The following FKBP4 variants were observed in gnomAD, a reference collection of about 807,000 sequenced individuals.
The protein encoded by FKBP4 is FKBP prolyl isomerase 4.
FKBP4 carries 28 observed loss-of-function variants against 54.1 expected under a neutral mutation model. The ratio of observed to expected loss-of-function variants is 0.52; its 90% confidence interval spans 0.38 to 0.71. FKBP4 has a LOEUF of 0.71. Among genes scored for constraint, FKBP4 ranks in the 30% least tolerant of loss-of-function variants. The pLI is 0.00. For synonymous variants in FKBP4, 223 were observed against 216.1 expected, an observed-to-expected ratio of 1.03 and a Z score of -0.28; for missense variants, 493 against 574.4, an observed-to-expected ratio of 0.86 and a Z score of 1.45.
chr12:2,802,323 A>G (rs2097905300), intron 9 of FKBP4, among the ~76,000 whole-genome samples: 1 of 152,086 alleles, frequency 6.6e-6, no homozygotes, highest in Admixed American at 6.5e-5. Context: ...TTTTTAGTAC[A>G]GACGAAGTTT....
chr12:2,796,702 G>A (rs2097902049), intron 1 of FKBP4: 2 of 1,068,604 alleles, frequency 1.9e-6, no homozygotes, highest in Admixed American at 4.9e-5. Flanking sequence ...TTAGTCTGAC[G>A]ACCACTGGCA....
chr12:2,800,434 G>GT lies in FKBP4; in HGVS notation c.890dup (p.Ser298ValfsTer6). On this transcript the variant is annotated frameshift_variant, in exon 8 of 10. Coordinates refer to ENST00000001008, the MANE Select transcript of FKBP4 (RefSeq NM_002014.4). LOFTEE classifies it high-confidence loss of function. ...AGCTTTACTACAGTATAAGAAGATCGTGTCTTGGCTGGAATATGAGTCTAG... is the reference window on the plus strand; with the variant it reads ...AGCTTTACTACAGTATAAGAAGATCGTTGTCTTGGCTGGAATATGAGTCTAG... The GT allele has an allele frequency of 6.2e-7, 1 of 1,613,970 alleles. No homozygotes were observed.
In FKBP4 at chr12:2,804,978, T is replaced by G; in HGVS notation, c.*1720T>G. On this transcript the variant is annotated 3_prime_UTR_variant, in exon 10 of 10. Transcript: ENST00000001008. ...CTTACCTCACATCACAGCCCTGTGT[T>G]TGTGGTTTGTGTCTGGGTCCTCTTG... The G allele has an allele frequency of 3.3e-6, 1 of 303,000 alleles. No individual in the cohort carries two copies. The highest frequency in any genetic ancestry group is 2.7e-5 in the South Asian group (1 of 36,828). The allele number at this position is 303,000 out of a possible 1,614,324, so 18.8% of individuals were successfully genotyped here.
Position 2,795,075 on chromosome 12 carries a change from C to A in FKBP4, c.-65C>A. On this transcript the variant is annotated 5_prime_UTR_variant, in exon 1 of 10. Coordinates refer to ENST00000001008, the MANE Select transcript of FKBP4 (RefSeq NM_002014.4). This position sits in a 1 kb window ranked among gnomAD's most constrained non-coding sequence, Gnocchi z 4.3. ...CCGCACGCCCCGCAGGTAGCGCCCC[C>A]GCCCGCGGCCCAGAGTGCGCTCGCG... The A allele has an allele frequency of 9.4e-7, 1 of 1,066,516 alleles. No individual in the cohort carries two copies. The highest frequency in any genetic ancestry group is 4.4e-5 in the South Asian group (1 of 22,544). 66.1% of individuals were successfully genotyped at this position (1,066,516 alleles called of 1,614,324 possible). A position where few individuals can be genotyped will look rare whatever the true frequency, so the allele number is the denominator to read the frequency against.
rs1213213179 is a variant in FKBP4, at chr12:2,796,434, G to A, written c.106-704G>A. 3.2e-6 allele frequency: 4 copies of A among 1,267,496 alleles called. No individual in the cohort carries two copies. The African/African-American group carries it at 6.2e-5, about 20-fold the overall frequency. 78.5% of individuals were successfully genotyped at this position (1,267,496 alleles called of 1,614,324 possible). On this transcript the variant is annotated intron_variant, in intron 1 of 9. Coordinates refer to ENST00000001008, the MANE Select transcript of FKBP4 (RefSeq NM_002014.4). ...TACCTTTCTACTCCTCAAAGCCCCT[G>A]TCTATTCTTCGTGGAAGCTTTCCCT...
Position 2,797,134 on chromosome 12 carries a change from C to G in FKBP4, c.106-4C>G. The G allele has an allele frequency of 1.2e-6, 2 of 1,612,306 alleles. No homozygotes were observed. The highest frequency in any genetic ancestry group is 4.5e-5 in the East Asian group (2 of 44,880). On this transcript the variant is annotated splice_polypyrimidine_tract_variant and splice_region_variant and intron_variant, in intron 1 of 9. Coordinates refer to ENST00000001008, the MANE Select transcript of FKBP4 (RefSeq NM_002014.4). Reference sequence around the variant, plus strand: ...GGTACTCACTTTCTCCCCCTTCCTCCCAGGTCATCAAGAGAGAGGGCACAG... The same window carrying G: ...GGTACTCACTTTCTCCCCCTTCCTCGCAGGTCATCAAGAGAGAGGGCACAG...
chr12:2,797,411 C>T (rs2153919379), intron 2 of FKBP4, 129 bp downstream of exon 2: 1 of 1,062,452 alleles, frequency 9.4e-7, no homozygotes, highest in East Asian at 2.4e-5. Flanking sequence ...CTTTCGGTCA[C>T]TCTTTTTTTT....
chr12:2,796,154 C>G, intron 1 of FKBP4: 2 of 1,266,096 alleles, frequency 1.6e-6, no homozygotes, highest in Non-Finnish European at 1.0e-6. Flanking sequence ...TGCCTTCTCC[C>G]CATCCGCTGC....
chr12:2,798,998 T>C lies in FKBP4; in HGVS notation c.515-90T>C, dbSNP rs2097903356. 9.0e-6 allele frequency: 13 copies of C among 1,445,634 alleles called. No individual in the cohort carries two copies. Among genetic ancestry groups the C allele is most frequent in the Non-Finnish European group, 1.2e-5 (13 of 1,063,562 alleles). The allele number at this position is 1,445,634 out of a possible 1,614,324, so 89.6% of individuals were successfully genotyped here. On this transcript the variant is annotated intron_variant, in intron 4 of 9. Coordinates refer to ENST00000001008, the MANE Select transcript of FKBP4 (RefSeq NM_002014.4). The surrounding 1 kb of genome is among the most constrained non-coding windows in gnomAD (Gnocchi z 4.3). Reference sequence around the variant, plus strand: ...TTGAGAACACAGGAGAATCTTGGGATGATGGGGGTGATGCAGGGAGGCTGA... The same window carrying C: ...TTGAGAACACAGGAGAATCTTGGGACGATGGGGGTGATGCAGGGAGGCTGA...
In FKBP4 at chr12:2,795,187, G is replaced by T; in HGVS notation, c.48G>T (p.Ala16=). Residue 16 remains alanine (A), a synonymous_variant, in exon 1 of 10, where the codon GCG becomes GCT. Coordinates refer to ENST00000001008, the MANE Select transcript of FKBP4 (RefSeq NM_002014.4). This position sits in a 1 kb window ranked among gnomAD's most constrained non-coding sequence, Gnocchi z 4.3. ...CGACCGAGAGCGGGGCGCAGTCGGC[G>T]CCGCTGCCCATGGAGGGAGTGGACA... ...MKATESGAQS[A]PLPMEGVDIS... 1 of 1,323,332 alleles carries T rather than the reference G, an allele frequency of 7.6e-7. No individual in the cohort carries two copies. The highest frequency in any genetic ancestry group is 9.7e-7 in the Non-Finnish European group (1 of 1,027,692). The allele number at this position is 1,323,332 out of a possible 1,614,324, so 82.0% of individuals were successfully genotyped here. A position where few individuals can be genotyped will look rare whatever the true frequency, so the allele number is the denominator to read the frequency against.
chr12:2,798,946 C>T lies in FKBP4; in HGVS notation c.514+120C>T. The T allele has an allele frequency of 7.1e-7, 1 of 1,409,714 alleles. No individual in the cohort carries two copies. The highest frequency in any genetic ancestry group is 9.8e-7 in the Non-Finnish European group (1 of 1,022,352). 87.3% of individuals were successfully genotyped at this position (1,409,714 alleles called of 1,614,324 possible). On this transcript the variant is annotated intron_variant, in intron 4 of 9. Coordinates refer to ENST00000001008, the MANE Select transcript of FKBP4 (RefSeq NM_002014.4). The surrounding 1 kb of genome is among the most constrained non-coding windows in gnomAD (Gnocchi z 4.3). ...CTTGTCCATAAAATGAGGGGTTGGA[C>T]CATATTCTCTTCATATCACTCCAGA...
chr12:2,803,287 C>T lies in FKBP4; in HGVS notation c.*29C>T. 2 of 1,484,598 alleles carry T rather than the reference C, an allele frequency of 1.3e-6. No homozygotes were observed. Among genetic ancestry groups the T allele is most frequent in the Non-Finnish European group, 1.8e-6 (2 of 1,091,816 alleles). 92.0% of individuals were successfully genotyped at this position (1,484,598 alleles called of 1,614,324 possible). On this transcript the variant is annotated 3_prime_UTR_variant, in exon 10 of 10. Transcript: ENST00000001008. Reference sequence around the variant, plus strand: ...CTCTCCACCAGCCCTACTCCTGCGGCTGCCTGCCCCCCAGTCTCCCCACTC... The same window carrying T: ...CTCTCCACCAGCCCTACTCCTGCGGTTGCCTGCCCCCCAGTCTCCCCACTC...
In FKBP4 at chr12:2,803,337, G is replaced by C; in HGVS notation, c.*79G>C. On this transcript the variant is annotated 3_prime_UTR_variant, in exon 10 of 10. Coordinates refer to ENST00000001008, the MANE Select transcript of FKBP4 (RefSeq NM_002014.4). The stretch of plus-strand genomic sequence containing the variant: ...CCACCCTGTTAGTTTTGTAAAAACT[G>C]AAGAATTTTGAGTGAATTAGACCTT... 1 of 1,006,126 alleles carries C rather than the reference G, an allele frequency of 9.9e-7. No individual in the cohort carries two copies. Among genetic ancestry groups the C allele is most frequent in the Non-Finnish European group, 1.5e-6 (1 of 670,560 alleles). The allele number at this position is 1,006,126 out of a possible 1,614,324, so 62.3% of individuals were successfully genotyped here. A position where few individuals can be genotyped will look rare whatever the true frequency, so the allele number is the denominator to read the frequency against.
chr12:2,799,747 A>G (rs2097903719), intron 5 of FKBP4, 103 bp from the exon 6 acceptor site: 5 of 968,088 alleles, frequency 5.2e-6, no homozygotes, highest in Non-Finnish European at 4.9e-6. Flanking sequence ...ACCAAGTCTC[A>G]AGGGATGGGA....
rs1306110067 is a variant in FKBP4 at position 2,800,466 on chromosome 12, CA to C, written c.923del (p.Asn308MetfsTer23). 6.2e-7 allele frequency: 1 copy of C among 1,613,976 alleles called. No homozygotes were observed. Among genetic ancestry groups the C allele is most frequent in the Non-Finnish European group, 8.5e-7 (1 of 1,180,006 alleles). ...GGCTGGAATATGAGTCTAGTTTTTC[CA>C]ATGAGGAAGCACAGAAAGCACAGGC... ...SWLEYESSFSNEEAQKAQALR... is the reference protein window; with the variant it reads ...SWLEYESSFSXEEAQKAQALR... On this transcript the variant is annotated frameshift_variant, in exon 8 of 10. Transcript: ENST00000001008. LOFTEE classifies it high-confidence loss of function.
intron 1 of FKBP4, chr12:2,796,023 G>A (rs1463216942): frequency 9.5e-6 from 11 of 1,157,196 alleles, no homozygotes; most frequent in African/African-American, 8.1e-5. Flanking sequence ...GTGACCGCTC[G>A]ACTACAAATA....
At chr12:2,800,184 C>G in intron 7 of FKBP4, 62 bp downstream of exon 7, 2 of 1,551,368 alleles carry the variant, frequency 1.3e-6, no homozygotes, top group South Asian at 2.2e-5. Flanking sequence ...GCCTCCCCTT[C>G]CCTTGGTGAC....
rs774459032 is a variant in FKBP4, at chr12:2,798,992, T to C, written c.515-96T>C. On this transcript the variant is annotated intron_variant, in intron 4 of 9. Transcript: ENST00000001008. The surrounding 1 kb of genome is among the most constrained non-coding windows in gnomAD (Gnocchi z 4.3). ...CCAGATTTGAGAACACAGGAGAATCTTGGGATGATGGGGGTGATGCAGGGA... is the reference window on the plus strand; with the variant it reads ...CCAGATTTGAGAACACAGGAGAATCCTGGGATGATGGGGGTGATGCAGGGA... 8.3e-6 allele frequency: 12 copies of C among 1,441,628 alleles called. No homozygotes were observed. The highest frequency in any genetic ancestry group is 1.1e-5 in the Non-Finnish European group (12 of 1,059,844). 89.3% of individuals were successfully genotyped at this position (1,441,628 alleles called of 1,614,324 possible). A position where few individuals can be genotyped will look rare whatever the true frequency, so the allele number is the denominator to read the frequency against.
rs1274648518 is a variant in FKBP4 at position 2,797,356 on chromosome 12, C to G, written c.250+74C>G. 1.9e-6 allele frequency: 3 copies of G among 1,553,332 alleles called. No individual in the cohort carries two copies. The African/African-American group carries it at 4.1e-5, about 21-fold the overall frequency. ...CTGTCACAAGCAGAAACCATTTTCT[C>G]AGGACCAAGCTCAGGGAGGAATGGT... On this transcript the variant is annotated intron_variant, in intron 2 of 9. Transcript: ENST00000001008.
Sources: gnomAD v4.1 joint callset for allele counts (sites outside exome capture counted in the v4.1 genomes callset) on GRCh38, gnomAD v4.1.1 for gene constraint, Gnocchi (gnomAD v3.1) non-coding constraint, MANE v1.5 for transcripts, NCBI Gene and HGNC (gene_info 2026-07-23, HGNC 2026-07-21) for gene names.